The following FHIT variants were observed in gnomAD, a reference collection of about 807,000 sequenced individuals.
The protein encoded by FHIT is fragile histidine triad diadenosine triphosphatase.
Under a neutral mutation model 17.9 loss-of-function variants are expected in FHIT, and 19 were observed. The observed-to-expected ratio is 1.06, with a 90% CI of 0.74 to 1.56. FHIT has a LOEUF of 1.56. Ranked by LOEUF, FHIT falls within the 40% of genes most tolerant of loss-of-function variation. FHIT has a pLI of 0.00. For missense variants in FHIT, 248 were observed against 189.2 expected, an observed-to-expected ratio of 1.31 and a Z score of -1.82; for synonymous variants, 81 against 69.7, an observed-to-expected ratio of 1.16 and a Z score of -0.81.
chr3:60,135,943 T>A (rs959262799), intron 5 of FHIT, among the ~76,000 whole-genome samples: 2 of 151,970 alleles, frequency 1.3e-5, no homozygotes, highest in African/African-American at 2.4e-5. Context: ...CCAACAATGC[T>A]CTCATTTTAT....
chr3:60,002,303 G>GT (rs1237038638), intron 7 of FHIT, among the ~76,000 whole-genome samples: 1 of 151,962 alleles, frequency 6.6e-6, no homozygotes, highest in Non-Finnish European at 1.5e-5. Flanking sequence ...TTTGTTTGTT[G>GT]TTGTTTGTTT....
chr3:60,851,941 G>A (rs1297392010), intron 3 of FHIT, among the ~76,000 whole-genome samples: 4 of 152,048 alleles, frequency 2.6e-5, no homozygotes, highest in South Asian at 4.1e-4. Context: ...TAAGTGTCAC[G>A]ATGATAAATT....
intron 5 of FHIT, among the ~76,000 whole-genome samples, chr3:60,335,740 A>G (rs1275882978): frequency 6.6e-6 from 1 of 152,144 alleles, no homozygotes; most frequent in Non-Finnish European, 1.5e-5. Context: ...TATTAGATAT[A>G]TTGGGTTGGA....
intron 5 of FHIT, among the ~76,000 whole-genome samples, chr3:60,083,510 A>G (rs1703374410): frequency 1.2e-5 from 1 of 82,834 alleles, no homozygotes; most frequent in Admixed American, 1.4e-4. Flanking sequence ...TGATAGGAAT[A>G]CCACTGAAAA....
chr3:59,760,743 CA>C (rs1300799540), intron 8 of FHIT, among the ~76,000 whole-genome samples: 1 of 152,114 alleles, frequency 6.6e-6, no homozygotes. Context: ...ATTCTATCCT[CA>C]AATGTGTATC....
intron 3 of FHIT, among the ~76,000 whole-genome samples, chr3:60,822,652 T>C (rs1701967912): frequency 6.6e-6 from 1 of 152,166 alleles, no homozygotes; most frequent in South Asian, 2.1e-4. Context: ...ACGGGTATAA[T>C]AATATTTGAA....
intron 4 of FHIT, among the ~76,000 whole-genome samples, chr3:60,652,494 G>A (rs2040014317): frequency 6.6e-6 from 1 of 152,100 alleles, no homozygotes; most frequent in Admixed American, 6.5e-5. Flanking sequence ...AGCACTTTGG[G>A]AGGCCCAGGA....
intron 5 of FHIT, among the ~76,000 whole-genome samples, chr3:60,110,453 C>A (rs989021393): frequency 1.3e-5 from 2 of 152,134 alleles, no homozygotes; most frequent in Non-Finnish European, 2.9e-5. Context: ...GTAAGAGAGT[C>A]TTCTCACCCT....
At chr3:59,851,001 G>A (rs1246502577) in intron 8 of FHIT, among the ~76,000 whole-genome samples, 2 of 152,126 alleles carry the variant, frequency 1.3e-5, no homozygotes, top group East Asian at 1.9e-4. Context: ...GTTCACAAGG[G>A]GTTGGTAAAC....
chr3:60,597,191 C>T (rs2038298478), intron 4 of FHIT, among the ~76,000 whole-genome samples: 3 of 152,112 alleles, frequency 2.0e-5, no homozygotes. Context: ...AAGTCAAACT[C>T]ACCCAACATT....
intron 3 of FHIT, among the ~76,000 whole-genome samples, chr3:60,873,463 GGT>G (rs2107081267): frequency 6.6e-6 from 1 of 152,296 alleles, no homozygotes; most frequent in African/African-American, 2.4e-5. Flanking sequence ...TCCTTCAACA[GGT>G]TCCTTTGTTG....
intron 4 of FHIT, among the ~76,000 whole-genome samples, chr3:60,654,375 G>A (rs1422940391): frequency 1.3e-5 from 2 of 152,130 alleles, no homozygotes; most frequent in Non-Finnish European, 2.9e-5. Flanking sequence ...CAACCCTGGA[G>A]AGCAATGGGG....
intron 4 of FHIT, among the ~76,000 whole-genome samples, chr3:60,573,665 CA>C (rs1384221115): frequency 5.0e-4 from 76 of 152,174 alleles, no homozygotes; most frequent in African/African-American, 1.8e-3. Flanking sequence ...GAGAGAAGCG[CA>C]GCTGCCTCCG....
chr3:60,014,874 C>T (rs1196812112), intron 5 of FHIT, among the ~76,000 whole-genome samples: 3 of 151,856 alleles, frequency 2.0e-5, no homozygotes, highest in East Asian at 3.9e-4. Context: ...GACAAGGCAA[C>T]GTATTTACAC....
At chr3:60,138,654 G>C (rs1296767181) in intron 5 of FHIT, among the ~76,000 whole-genome samples, 2 of 152,030 alleles carry the variant, frequency 1.3e-5, no homozygotes, top group Non-Finnish European at 2.9e-5. Context: ...TCTCAGTAGA[G>C]GTAAGTTTGT....
chr3:60,155,733 G>C (rs1470122818), intron 5 of FHIT, among the ~76,000 whole-genome samples: 1 of 152,050 alleles, frequency 6.6e-6, no homozygotes, highest in African/African-American at 2.4e-5. Context: ...ATACCACGTT[G>C]ACTCCATGCG....
intron 8 of FHIT, among the ~76,000 whole-genome samples, chr3:59,756,985 A>ATAAC (rs1180809633): frequency 3.3e-5 from 5 of 152,180 alleles, no homozygotes; most frequent in Non-Finnish European, 2.9e-5. Flanking sequence ...AGTACATAAA[A>ATAAC]TAACAGCACT....
intron 4 of FHIT, among the ~76,000 whole-genome samples, chr3:60,798,659 G>C (rs1026988347): frequency 1.1e-4 from 16 of 149,998 alleles, no homozygotes; most frequent in Admixed American, 8.6e-4. Context: ...CTACTGTCTT[G>C]AATTACAGTC....
chr3:60,957,225 CT>C (rs1709208041), intron 3 of FHIT, among the ~76,000 whole-genome samples: 5 of 134,930 alleles, frequency 3.7e-5, no homozygotes, highest in Admixed American at 7.8e-5. Flanking sequence ...TTCTTCTTTT[CT>C]TTCTTTCTTT....
Sources: allele counts gnomAD v4.1 joint callset (sites outside exome capture counted in the v4.1 genomes callset), GRCh38; gene constraint gnomAD v4.1.1; transcripts MANE v1.5; gene names NCBI Gene and HGNC (gene_info 2026-07-23, HGNC 2026-07-21).